Variants in OTUD7A observed in about 807,000 individuals in gnomAD.
OTUD7A encodes the protein OTU deubiquitinase 7A.
OTUD7A carries 12 observed loss-of-function variants against 65.7 expected under a neutral mutation model. The ratio of observed to expected loss-of-function variants is 0.18; its 90% CI spans 0.12 to 0.30. The LOEUF is 0.30. Among genes scored for constraint, OTUD7A ranks in the 10% least tolerant of loss-of-function variants. The pLI is 1.00. For missense variants in OTUD7A, 1,148 were observed against 1,304.8 expected (o/e 0.88, Z 1.85); for synonymous variants, 641 against 586.3 (o/e 1.09, Z -1.35).
Position 31,751,601 on chromosome 15 carries a change from G to A in OTUD7A, c.-99-94524C>T, listed in dbSNP as rs375798021. Reference sequence around the variant, plus strand: ...AGAAAATAAATTGTACTACCCAAAAGATACAAGCATACGTATATTCATTGT... The same window carrying A: ...AGAAAATAAATTGTACTACCCAAAAAATACAAGCATACGTATATTCATTGT... On this transcript the variant is annotated intron_variant, in intron 1 of 12. Transcript: ENST00000307050. Among the ~76,000 whole-genome samples, 4 of 152,052 alleles carry A rather than the reference G, an allele frequency of 2.6e-5. No individual in the cohort carries two copies. The East Asian group carries it at 7.7e-4, about 29-fold the overall frequency.
intron 6 of OTUD7A, among the ~76,000 whole-genome samples, chr15:31,529,375 G>A (rs1287123693): frequency 6.6e-6 from 1 of 152,214 alleles, no homozygotes; most frequent in East Asian, 1.9e-4. Context: ...AAGGGAAAAT[G>A]TTGGATTCAA....
intron 12 of OTUD7A, among the ~76,000 whole-genome samples, chr15:31,486,157 C>T (rs1399462005): frequency 6.6e-6 from 1 of 152,220 alleles, no homozygotes; most frequent in Non-Finnish European, 1.5e-5. Context: ...GAGCTATTCT[C>T]AGCCCGAGAG....
At chr15:31,794,400 G>A (rs1253182200) in intron 1 of OTUD7A, among the ~76,000 whole-genome samples, 2 of 149,140 alleles carry the variant, frequency 1.3e-5, no homozygotes, top group Non-Finnish European at 2.9e-5. Context: ...CCTATCACAT[G>A]AAGCAGAAAG....
At chr15:31,678,874 C>A (rs1366343072) in intron 1 of OTUD7A, among the ~76,000 whole-genome samples, 1 of 152,172 alleles carries the variant, frequency 6.6e-6, no homozygotes. Context: ...TCTCCAGATC[C>A]CAGAATCGTA....
At position 31,765,473 on chromosome 15, in the gene OTUD7A, A is replaced by G. The variant is rs530162979; in HGVS notation, c.-100+105034T>C. ...TCCCTAACACAGCTCAGTTTTCAAA[A>G]TTCAAGTAAATAAAATTTTAGCACA... On this transcript the variant is annotated intron_variant, in intron 1 of 12. Coordinates refer to ENST00000307050, the MANE Select transcript of OTUD7A (RefSeq NM_001382637.1). 1.1e-4 allele frequency among the ~76,000 whole-genome samples: 17 copies of G among 152,334 alleles called. No individual in the cohort carries two copies. In the East Asian group the frequency reaches 2.7e-3, roughly 24 times the overall value.
intron 5 of OTUD7A, 48 bp downstream of exon 5, chr15:31,558,921 C>T (rs1232765015): frequency 1.3e-6 from 2 of 1,589,962 alleles, no homozygotes; most frequent in Non-Finnish European, 1.7e-6. Context: ...GCCAGCTCAC[C>T]ATTCACCAAG....
At chr15:31,754,367 G>C (rs1350094053) in intron 1 of OTUD7A, among the ~76,000 whole-genome samples, 4 of 152,154 alleles carry the variant, frequency 2.6e-5, no homozygotes, top group Non-Finnish European at 5.9e-5. Flanking sequence ...GTTTAATTAA[G>C]TCCCAGCAAT....
intron 10 of OTUD7A, among the ~76,000 whole-genome samples, chr15:31,489,370 A>C (rs1241127408): frequency 1.3e-5 from 2 of 152,224 alleles, no homozygotes; most frequent in Non-Finnish European, 2.9e-5. Flanking sequence ...GAACAAGAAT[A>C]ATCTGTTAGA....
At chr15:31,582,846 G>C (rs1889413389) in intron 3 of OTUD7A, among the ~76,000 whole-genome samples, 1 of 152,218 alleles carries the variant, frequency 6.6e-6, no homozygotes, top group Non-Finnish European at 1.5e-5. Context: ...GAGGTAATGA[G>C]GGCAGAATCT....
At chr15:31,702,645 A>G (rs976260129) in intron 1 of OTUD7A, among the ~76,000 whole-genome samples, 1 of 152,072 alleles carries the variant, frequency 6.6e-6, no homozygotes, top group African/African-American at 2.4e-5. Flanking sequence ...ACAGATTGAA[A>G]AACTCAATAC....
At chr15:31,584,847 T>C (rs900595783) in intron 3 of OTUD7A, among the ~76,000 whole-genome samples, 2 of 152,152 alleles carry the variant, frequency 1.3e-5, no homozygotes, top group African/African-American at 4.8e-5. Flanking sequence ...TTCTCTCCGG[T>C]TTGGTGATTT....
chr15:31,670,551 A>C (rs4444302), intron 1 of OTUD7A, among the ~76,000 whole-genome samples: 1 of 151,924 alleles, frequency 6.6e-6, no homozygotes, highest in Non-Finnish European at 1.5e-5. Context: ...GCTCTATTTC[A>C]TATGTTTGTT....
chr15:31,837,372 C>CAAAAAAAAAAAAA (rs57479397), intron 1 of OTUD7A, among the ~76,000 whole-genome samples: 6 of 120,320 alleles, frequency 5.0e-5, no homozygotes, highest in African/African-American at 1.9e-4. Flanking sequence ...ACTAAAAATA[C>CAAAAAAAAAAAAA]AAAAAAAAAA....
At chr15:31,700,688 C>T (rs1328693374) in intron 1 of OTUD7A, among the ~76,000 whole-genome samples, 2 of 151,622 alleles carry the variant, frequency 1.3e-5, no homozygotes, top group African/African-American at 4.8e-5. Flanking sequence ...CTATCACAGG[C>T]CACCTGATAT....
intron 1 of OTUD7A, among the ~76,000 whole-genome samples, chr15:31,669,430 G>A (rs920815794): frequency 5.9e-5 from 9 of 152,150 alleles, no homozygotes; most frequent in South Asian, 2.1e-4. Context: ...GGGAAGTGAG[G>A]GAAAGCCGGC....
chr15:31,508,155 T>C (rs2041612110), intron 8 of OTUD7A, among the ~76,000 whole-genome samples: 1 of 152,192 alleles, frequency 6.6e-6, no homozygotes, highest in Non-Finnish European at 1.5e-5. Flanking sequence ...ATAGAGAAAG[T>C]ATATGAAAAT....
chr15:31,768,387 G>C (rs577471991), intron 1 of OTUD7A, among the ~76,000 whole-genome samples: 1 of 152,304 alleles, frequency 6.6e-6, no homozygotes, highest in East Asian at 1.9e-4. Flanking sequence ...TGCCAGGCAT[G>C]GTGGCTTATG....
intron 1 of OTUD7A, among the ~76,000 whole-genome samples, chr15:31,803,609 A>G (rs1244104473): frequency 6.6e-6 from 1 of 152,180 alleles, no homozygotes; most frequent in Non-Finnish European, 1.5e-5. Flanking sequence ...TCTTTTCCAT[A>G]AGTGCTGCTG....
chr15:31,825,848 T>C (rs1042214932), intron 1 of OTUD7A, among the ~76,000 whole-genome samples: 42 of 152,234 alleles, frequency 2.8e-4, no homozygotes, highest in African/African-American at 1.0e-3. Context: ...ACAGGCCCCA[T>C]GCGAGTCCAA....
Sources: allele counts gnomAD v4.1 joint callset (sites outside exome capture counted in the v4.1 genomes callset), GRCh38; gene constraint gnomAD v4.1.1; transcripts MANE v1.5; gene names NCBI Gene and HGNC (gene_info 2026-07-23, HGNC 2026-07-21).